The following EVC2 variants were observed in gnomAD, a reference collection of about 807,000 sequenced individuals.
EVC2 encodes the protein EvC ciliary complex subunit 2, also known as limbin.
In EVC2, 148 loss-of-function variants were observed where a neutral mutation model predicts 149.3. That is an observed-to-expected ratio of 0.99 (90% confidence interval 0.87 to 1.14). The LOEUF (loss-of-function observed/expected upper bound fraction) is 1.14. Among genes scored for constraint, EVC2 ranks in the 50% most tolerant of loss-of-function variants. The pLI is 0.00. For missense variants in EVC2, 1,854 were observed against 1,627.3 expected (o/e 1.14, Z -2.40); for synonymous variants, 776 against 649.9 (o/e 1.19, Z -2.95).
chr4:5,639,946 C>T (rs1170740823), intron 10 of EVC2, among the ~76,000 whole-genome samples: 2 of 152,188 alleles, frequency 1.3e-5, no homozygotes, highest in Admixed American at 1.3e-4. Context: ...CCTTCACTGC[C>T]TAGCCCAGTG....
intron 13 of EVC2, among the ~76,000 whole-genome samples, chr4:5,623,846 T>C (rs1001320845): frequency 3.3e-5 from 5 of 152,178 alleles, no homozygotes; most frequent in Non-Finnish European, 7.3e-5. Flanking sequence ...GGGATAATAA[T>C]AGGACCTCCC....
At chr4:5,556,613 A>G (rs2108761975) in intron 21 of EVC2, among the ~76,000 whole-genome samples, 1 of 152,304 alleles carries the variant, frequency 6.6e-6, no homozygotes, top group East Asian at 1.9e-4. Flanking sequence ...AGCAAAAATG[A>G]AAACAATAGA....
intron 9 of EVC2, among the ~76,000 whole-genome samples, chr4:5,655,142 T>C (rs1718430863): frequency 6.6e-6 from 1 of 152,184 alleles, no homozygotes; most frequent in Non-Finnish European, 1.5e-5. Flanking sequence ...AGGCATTCCC[T>C]CTGCTCTGCT....
intron 7 of EVC2, among the ~76,000 whole-genome samples, chr4:5,675,951 A>T (rs1719958125): frequency 1.3e-5 from 2 of 152,202 alleles, no homozygotes; most frequent in Admixed American, 6.5e-5. Flanking sequence ...TCTTAAGAAC[A>T]ACAAAAACAA....
intron 17 of EVC2, among the ~76,000 whole-genome samples, chr4:5,579,889 T>C (rs1164472508): frequency 6.6e-6 from 1 of 152,086 alleles, no homozygotes; most frequent in East Asian, 1.9e-4. Flanking sequence ...CTTGGGAAAG[T>C]AAACACACAG....
chr4:5,546,075 A>G (rs1020097764), intron 21 of EVC2, among the ~76,000 whole-genome samples: 2 of 152,198 alleles, frequency 1.3e-5, no homozygotes, highest in African/African-American at 2.4e-5. Flanking sequence ...CAGGTGCTGG[A>G]GAGGATGTGG....
chr4:5,680,610 C>T (rs6848740), intron 7 of EVC2, among the ~76,000 whole-genome samples: 127,976 of 152,244 alleles, frequency 0.84, 53,966 homozygotes, highest in African/African-American at 0.86. Flanking sequence ...CCATGGGATA[C>T]TGGGCAAATC....
chr4:5,664,883 G>GT (rs1187763284), intron 8 of EVC2, among the ~76,000 whole-genome samples: 2 of 151,668 alleles, frequency 1.3e-5, no homozygotes, highest in Non-Finnish European at 2.9e-5. Flanking sequence ...TGGGCTGCGT[G>GT]TGGGTGATGG....
At chr4:5,592,867 T>C (rs1373341808) in intron 16 of EVC2, among the ~76,000 whole-genome samples, 1 of 152,164 alleles carries the variant, frequency 6.6e-6, no homozygotes, top group African/African-American at 2.4e-5. Context: ...GGATGTGATA[T>C]GGTTTGGCTG....
At chr4:5,600,350 A>T (rs774720221) in intron 16 of EVC2, among the ~76,000 whole-genome samples, 1 of 152,202 alleles carries the variant, frequency 6.6e-6, no homozygotes. Context: ...GATTTCTTTC[A>T]AGTTGCACAA....
chr4:5,663,170 T>C lies in EVC2; in HGVS notation c.1082A>G (p.Asn361Ser), dbSNP rs764037503. ...ADGVNEDLSL[N>S]DQMIDILSSE... ...AGACAGAATGTCTATCATTTGGTCGTTAAGGGAAAGGTCCTCATTCACGCC... is the reference window on the plus strand; with the variant it reads ...AGACAGAATGTCTATCATTTGGTCGCTAAGGGAAAGGTCCTCATTCACGCC... Residue 361 changes from asparagine (N) to serine (S), a missense_variant, in exon 9 of 22, where the codon AAC (asparagine) becomes AGC (serine). Coordinates refer to ENST00000344408, the MANE Select transcript of EVC2 (RefSeq NM_147127.5). 1.9e-5 allele frequency: 31 copies of C among 1,614,046 alleles called. No individual in the cohort carries two copies. The Admixed American group carries it at 4.0e-4, about 21-fold the overall frequency.
chr4:5,689,454 G>T, intron 4 of EVC2, 111 bp from the exon 5 acceptor site: 2 of 1,051,640 alleles, frequency 1.9e-6, no homozygotes, highest in South Asian at 1.3e-5. Flanking sequence ...AAGGAGGGTA[G>T]CACGGTCTCG....
chr4:5,654,012 G>A (rs887085462), intron 9 of EVC2, among the ~76,000 whole-genome samples: 1 of 152,140 alleles, frequency 6.6e-6, no homozygotes, highest in Non-Finnish European at 1.5e-5. Flanking sequence ...TAAGGAGTTC[G>A]ACACCAGCCT....
chr4:5,611,492 G>A (rs1161782043), intron 16 of EVC2, among the ~76,000 whole-genome samples: 9 of 152,100 alleles, frequency 5.9e-5, no homozygotes, highest in Non-Finnish European at 1.3e-4. Context: ...AGAGGCCTGG[G>A]AGAGTAATAA....
intron 9 of EVC2, among the ~76,000 whole-genome samples, chr4:5,643,246 C>T (rs1285997771): frequency 2.0e-5 from 3 of 152,124 alleles, no homozygotes; most frequent in Non-Finnish European, 2.9e-5. Flanking sequence ...GGATGAAATT[C>T]CCACGTGAAG....
chr4:5,603,477 A>G (rs889273940), intron 16 of EVC2, among the ~76,000 whole-genome samples: 4 of 152,198 alleles, frequency 2.6e-5, no homozygotes, highest in Non-Finnish European at 5.9e-5. Context: ...CTCTCTTGTC[A>G]GGTCACTGAA....
At position 5,606,838 on chromosome 4, in the gene EVC2, A is replaced by G. The variant is rs528810679; in HGVS notation, c.2829+8584T>C. On this transcript the variant is annotated intron_variant, in intron 16 of 21. Coordinates refer to ENST00000344408, the MANE Select transcript of EVC2 (RefSeq NM_147127.5). ...TTAATGGAATCAACAGATAAATCCT[A>G]GGAGGTAGGCGCTTCTATTATCCAC... Among the ~76,000 whole-genome samples the G allele has an allele frequency of 2.0e-5, 3 of 152,234 alleles. No homozygotes were observed. The South Asian group carries it at 6.2e-4, about 32-fold the overall frequency.
intron 16 of EVC2, among the ~76,000 whole-genome samples, chr4:5,599,006 CAAA>C (rs752370848): frequency 2.0e-5 from 3 of 152,018 alleles, no homozygotes; most frequent in Admixed American, 6.5e-5. Flanking sequence ...AAATGCAAAT[CAAA>C]ACCAAAATGA....
chr4:5,620,257 G>C (rs1196046530), intron 14 of EVC2, among the ~76,000 whole-genome samples: 1 of 152,198 alleles, frequency 6.6e-6, no homozygotes, highest in South Asian at 2.1e-4. Flanking sequence ...CGAATCCAAA[G>C]TGAAAGCAAC....
Sources: gnomAD v4.1 joint callset for allele counts (sites outside exome capture counted in the v4.1 genomes callset) on GRCh38, gnomAD v4.1.1 for gene constraint, MANE v1.5 for transcripts, NCBI Gene and HGNC (gene_info 2026-07-23, HGNC 2026-07-21) for gene names.